Variants in MYO3B observed in about 807,000 individuals in gnomAD.
MYO3B encodes myosin-IIIb.
A neutral mutation model predicts 174.6 loss-of-function variants in MYO3B; 156 were observed. That is an observed-to-expected ratio of 0.89 (90% CI 0.78 to 1.02). MYO3B has a LOEUF of 1.02. Among genes scored for constraint, MYO3B ranks in the 50% least tolerant of loss-of-function variants. The pLI is 0.00. For missense variants in MYO3B, 1,632 were observed against 1,639.4 expected (o/e 1.00, Z 0.08); for synonymous variants, 563 against 569.1 (o/e 0.99, Z 0.15).
At chr2:170,530,111 A>T (rs1006288731) in intron 30 of MYO3B, among the ~76,000 whole-genome samples, 2 of 152,236 alleles carry the variant, frequency 1.3e-5, no homozygotes, top group African/African-American at 4.8e-5. Flanking sequence ...TGTGCATCTT[A>T]GTAACTTCTC....
At chr2:170,389,411 C>T (rs911594996) in intron 14 of MYO3B, among the ~76,000 whole-genome samples, 2 of 152,170 alleles carry the variant, frequency 1.3e-5, no homozygotes, top group African/African-American at 4.8e-5. Context: ...GTGAGCACAG[C>T]CCCACCGCTG....
chr2:170,515,160 A>G (rs1489426009), intron 29 of MYO3B, 138 bp downstream of exon 29: 1 of 697,690 alleles, frequency 1.4e-6, no homozygotes, highest in Non-Finnish European at 2.3e-6. Context: ...GTGACAGCCA[A>G]TTAAATTTAA....
intron 6 of MYO3B, among the ~76,000 whole-genome samples, chr2:170,218,603 C>G (rs1441562990): frequency 6.6e-6 from 1 of 152,180 alleles, no homozygotes; most frequent in Non-Finnish European, 1.5e-5. Context: ...TGCGGCTACT[C>G]AGTTCTCCTA....
At chr2:170,367,249 A>G (rs1002316602) in intron 8 of MYO3B, among the ~76,000 whole-genome samples, 5 of 152,240 alleles carry the variant, frequency 3.3e-5, no homozygotes, top group Non-Finnish European at 5.9e-5. Context: ...GAAGAAAGCC[A>G]AAACAAAAAT....
At chr2:170,312,242 G>A (rs912772722) in intron 7 of MYO3B, among the ~76,000 whole-genome samples, 2 of 152,206 alleles carry the variant, frequency 1.3e-5, no homozygotes, top group Non-Finnish European at 2.9e-5. Context: ...TTCATGATAT[G>A]ACTACTTTAA....
intron 29 of MYO3B, among the ~76,000 whole-genome samples, chr2:170,517,434 CAA>C (rs1453061310): frequency 6.6e-6 from 1 of 152,036 alleles, no homozygotes; most frequent in Non-Finnish European, 1.5e-5. Flanking sequence ...AGTCCCAAAC[CAA>C]AAGAGATTTT....
At chr2:170,430,944 T>C (rs2094703388) in intron 22 of MYO3B, among the ~76,000 whole-genome samples, 1 of 151,952 alleles carries the variant, frequency 6.6e-6, no homozygotes, top group Admixed American at 6.6e-5. Context: ...AATAGAGAGG[T>C]GAAAAGGGAT....
At chr2:170,641,869 G>GC (rs1697988648) in intron 32 of MYO3B, among the ~76,000 whole-genome samples, 1 of 73,946 alleles carries the variant, frequency 1.4e-5, no homozygotes, top group South Asian at 5.5e-4. Context: ...GGGGGGGGGG[G>GC]GGGAGGGGCG....
At chr2:170,368,284 A>T (rs2105678127) in intron 8 of MYO3B, among the ~76,000 whole-genome samples, 1 of 152,358 alleles carries the variant, frequency 6.6e-6, no homozygotes, top group African/African-American at 2.4e-5. Flanking sequence ...GCATCCATTT[A>T]TCCTAAGCCT....
At position 170,386,140 on chromosome 2, in the gene MYO3B, TG is replaced by T. The variant is rs766008558; in HGVS notation, c.1291-48del. The stretch of plus-strand genomic sequence containing the variant: ...TGGATGTTATATGAAGCATGCAAGT[TG>T]CTTCTGTGCTATAAATTCTTCACTT... On this transcript the variant is annotated intron_variant, in intron 12 of 34. Transcript: ENST00000408978. 8.6e-6 allele frequency: 13 copies of T among 1,507,940 alleles called. No homozygotes were observed. The African/African-American group carries it at 1.8e-4, about 21-fold the overall frequency. 93.4% of individuals were successfully genotyped at this position (1,507,940 alleles called of 1,614,324 possible). A position where few individuals can be genotyped will look rare whatever the true frequency, so the allele number is the denominator to read the frequency against.
chr2:170,322,477 A>G (rs1478852489), intron 7 of MYO3B, among the ~76,000 whole-genome samples: 4 of 152,212 alleles, frequency 2.6e-5, no homozygotes, highest in Non-Finnish European at 5.9e-5. Context: ...ACAATTGGCC[A>G]TATTCTGGCT....
At chr2:170,616,081 A>G (rs1255646776) in intron 32 of MYO3B, among the ~76,000 whole-genome samples, 12 of 152,258 alleles carry the variant, frequency 7.9e-5, no homozygotes, top group Admixed American at 2.0e-4. Context: ...GATTAGCAAG[A>G]TATTAATCAG....
chr2:170,214,150 A>G (rs748263074), intron 3 of MYO3B, among the ~76,000 whole-genome samples: 2 of 152,206 alleles, frequency 1.3e-5, no homozygotes, highest in African/African-American at 4.8e-5. Context: ...AGCATTTTGA[A>G]CATGCACTTT....
At chr2:170,394,560 T>G (rs1042891326) in intron 16 of MYO3B, among the ~76,000 whole-genome samples, 1 of 151,948 alleles carries the variant, frequency 6.6e-6, no homozygotes, top group African/African-American at 2.4e-5. Flanking sequence ...AAGAAAAAAA[T>G]GTAAAAGATG....
chr2:170,345,383 C>T (rs991350288), intron 8 of MYO3B, among the ~76,000 whole-genome samples: 1 of 152,224 alleles, frequency 6.6e-6, no homozygotes, highest in East Asian at 1.9e-4. Flanking sequence ...GTGCGGCTTC[C>T]ACTGCCTTCT....
At chr2:170,369,988 T>C (rs2094228484) in intron 9 of MYO3B, among the ~76,000 whole-genome samples, 1 of 152,346 alleles carries the variant, frequency 6.6e-6, no homozygotes, top group East Asian at 1.9e-4. Flanking sequence ...TCTTTTTTTT[T>C]AGAAGGTAGA....
In MYO3B at chr2:170,293,816, T is replaced by A. The variant is rs977883191; in HGVS notation, c.750-41569T>A. ...CTGTACCAAAGAAGCCTTTTTTTTT[T>A]ATACTTCTAGAGCCCAAACTAGAGG... On this transcript the variant is annotated intron_variant, in intron 7 of 34. Transcript: ENST00000408978. Among the ~76,000 whole-genome samples, 40 of 147,352 alleles carry A rather than the reference T, an allele frequency of 2.7e-4. 2 individuals carry two copies. The highest frequency in any genetic ancestry group is 2.5e-3 in the Admixed American group (37 of 14,632).
Position 170,280,225 on chromosome 2 carries a change from T to A in MYO3B, c.749+44089T>A, listed in dbSNP as rs186000116. On this transcript the variant is annotated intron_variant, in intron 7 of 34. Transcript: ENST00000408978. ...TCTTTAATGATCAGTGATGTTGAGC[T>A]TTTTTTCATATGATTATTGGCTGCA... 2.8e-3 allele frequency among the ~76,000 whole-genome samples: 432 copies of A among 152,254 alleles called. 1 individual carries two copies. Among genetic ancestry groups the A allele is most frequent in the Admixed American group, 6.7e-3 (102 of 15,294 alleles).
intron 16 of MYO3B, among the ~76,000 whole-genome samples, chr2:170,395,109 A>G (rs2094436107): frequency 6.6e-6 from 1 of 152,204 alleles, no homozygotes; most frequent in African/African-American, 2.4e-5. Context: ...TTCTGGGACA[A>G]CAGCCAAAGT....
Sources: gnomAD v4.1 joint callset for allele counts (sites outside exome capture counted in the v4.1 genomes callset) on GRCh38, gnomAD v4.1.1 for gene constraint, MANE v1.5 for transcripts, NCBI Gene and HGNC (gene_info 2026-07-23, HGNC 2026-07-21) for gene names.